GPC3: variants seen among roughly 807,000 people sequenced by gnomAD.
GPC3 encodes the protein glypican-3.
GPC3 carries 3 observed loss-of-function variants against 34.4 expected under a neutral mutation model. The ratio of observed to expected loss-of-function variants is 0.09; its 90% CI spans 0.04 to 0.23. GPC3 has a LOEUF of 0.23. GPC3 is among the 10% of genes least tolerant of loss of function. The pLI is 1.00. For missense variants in GPC3, 351 were observed against 445.6 expected (o/e 0.79, Z 1.91); for synonymous variants, 177 against 174.0 (o/e 1.02, Z -0.13).
At chrX:133,834,831 T>C in intron 2 of GPC3, among the ~76,000 whole-genome samples, 1 of 112,165 alleles carries the variant, frequency 8.9e-6, no homozygotes, top group African/African-American at 3.2e-5. Flanking sequence ...CTACTACCTA[T>C]TATCTTTCAC....
intron 2 of GPC3, among the ~76,000 whole-genome samples, chrX:133,824,932 T>A (rs1414590297): frequency 1.8e-5 from 2 of 112,455 alleles, no homozygotes; most frequent in Non-Finnish European, 3.8e-5. Context: ...CACTGCAACC[T>A]GCAACCTCTG....
At chrX:133,751,293 C>T (rs757097593) in intron 3 of GPC3, among the ~76,000 whole-genome samples, 3 of 110,935 alleles carry the variant, frequency 2.7e-5, no homozygotes, top group African/African-American at 9.8e-5. Flanking sequence ...TTGTGTCTTA[C>T]ACACAGTGGG....
intron 2 of GPC3, among the ~76,000 whole-genome samples, chrX:133,881,615 C>A (rs1390915055): frequency 8.9e-6 from 1 of 112,501 alleles, no homozygotes; most frequent in African/African-American, 3.2e-5. Context: ...ACACCCCACA[C>A]TTTTGGTTGG....
intron 5 of GPC3, among the ~76,000 whole-genome samples, chrX:133,675,132 A>G (rs748260364): frequency 8.9e-6 from 1 of 112,254 alleles, no homozygotes; most frequent in Non-Finnish European, 1.9e-5. Flanking sequence ...ATAAATTGCC[A>G]AAGATCAGCC....
chrX:133,949,160 C>T (rs1048508632), intron 2 of GPC3, among the ~76,000 whole-genome samples: 6 of 112,316 alleles, frequency 5.3e-5, no homozygotes, highest in African/African-American at 1.9e-4. Context: ...GATTTTCTGA[C>T]TCCAAGTCCA....
chrX:133,908,086 A>G (rs1200392007), intron 2 of GPC3, among the ~76,000 whole-genome samples: 4 of 111,326 alleles, frequency 3.6e-5, no homozygotes, highest in Non-Finnish European at 5.6e-5. Flanking sequence ...ACTTTTTAAG[A>G]TTCCTGTTAA....
At chrX:133,930,525 T>C (rs2076293731) in intron 2 of GPC3, among the ~76,000 whole-genome samples, 1 of 112,915 alleles carries the variant, frequency 8.9e-6, no homozygotes, top group African/African-American at 3.2e-5. Flanking sequence ...AATGTAAGTG[T>C]GGGATTATCT....
intron 3 of GPC3, among the ~76,000 whole-genome samples, chrX:133,717,840 T>C (rs932742606): frequency 2.7e-5 from 3 of 111,737 alleles, no homozygotes; most frequent in South Asian, 7.5e-4. Context: ...ATCAGAAGTA[T>C]ACATGAAAAA....
intron 6 of GPC3, among the ~76,000 whole-genome samples, chrX:133,613,509 C>A (rs1022818170): frequency 8.9e-6 from 1 of 111,749 alleles, no homozygotes; most frequent in Admixed American, 9.5e-5. Flanking sequence ...ATCTGTAGAA[C>A]AGTAATAAAA....
chrX:133,762,334 A>G (rs2071801004), intron 2 of GPC3, among the ~76,000 whole-genome samples: 1 of 112,113 alleles, frequency 8.9e-6, no homozygotes, highest in Non-Finnish European at 1.9e-5. Context: ...AGTCCTCAAA[A>G]GCCATTGCAG....
At chrX:133,736,543 A>G (rs1219574407) in intron 3 of GPC3, among the ~76,000 whole-genome samples, 3 of 112,559 alleles carry the variant, frequency 2.7e-5, no homozygotes, top group Non-Finnish European at 5.6e-5. Context: ...TTATTCATCC[A>G]TAAAAAGTAA....
chrX:133,643,891 G>A (rs189501760), intron 6 of GPC3, among the ~76,000 whole-genome samples: 3 of 105,726 alleles, frequency 2.8e-5, no homozygotes, highest in Non-Finnish European at 5.8e-5. Context: ...GCAGTGGCGC[G>A]ATCTTGGCTC....
chrX:133,593,354 T>TAAAAAAAAAAAAAAAAAAAAAAAAAAA (rs1186766438), intron 7 of GPC3, among the ~76,000 whole-genome samples: 3 of 47,713 alleles, frequency 6.3e-5, no homozygotes, highest in Non-Finnish European at 1.2e-4. Context: ...AAAAAAAAAG[T>TAAAAAAAAAAAAAAAAAAAAAAAAAAA]AAAAAAAAAA....
At chrX:133,885,471 C>T (rs1304694535) in intron 2 of GPC3, among the ~76,000 whole-genome samples, 1 of 111,641 alleles carries the variant, frequency 9.0e-6, no homozygotes, top group African/African-American at 3.3e-5. Flanking sequence ...TCATTCATAA[C>T]TGAATACTTT....
intron 2 of GPC3, among the ~76,000 whole-genome samples, chrX:133,867,565 CT>C (rs1307596470): frequency 3.7e-5 from 4 of 108,903 alleles, no homozygotes; most frequent in Non-Finnish European, 7.6e-5. Context: ...AAAATCCTCT[CT>C]ATCCCCATAA....
At chrX:133,893,011 T>C (rs2076094907) in intron 2 of GPC3, among the ~76,000 whole-genome samples, 1 of 111,698 alleles carries the variant, frequency 9.0e-6, no homozygotes, top group African/African-American at 3.3e-5. Context: ...ATCCCAGAAC[T>C]TTGGGAGGCC....
intron 2 of GPC3, among the ~76,000 whole-genome samples, chrX:133,901,100 C>A (rs2076141904): frequency 9.0e-6 from 1 of 111,205 alleles, no homozygotes. Context: ...CGACAGCATG[C>A]CACTATAAAA....
intron 5 of GPC3, among the ~76,000 whole-genome samples, chrX:133,667,245 C>T (rs1247220278): frequency 8.1e-5 from 9 of 111,680 alleles, no homozygotes; most frequent in African/African-American, 2.3e-4. Context: ...CTGAAATATA[C>T]AATATAGTAT....
intron 2 of GPC3, among the ~76,000 whole-genome samples, chrX:133,842,551 C>T (rs1473951561): frequency 3.7e-5 from 4 of 108,733 alleles, no homozygotes; most frequent in African/African-American, 1.3e-4. Flanking sequence ...TAAAGATAAG[C>T]CACTAAGGAA....
Sources: gnomAD v4.1 joint callset for allele counts (sites outside exome capture counted in the v4.1 genomes callset) on GRCh38, gnomAD v4.1.1 for gene constraint, MANE v1.5 for transcripts, NCBI Gene and HGNC (gene_info 2026-07-23, HGNC 2026-07-21) for gene names.